Variants in WDFY2 observed in about 807,000 individuals in gnomAD.
WDFY2 encodes the protein WD repeat and FYVE domain containing 2, also known as WD repeat and FYVE domain-containing protein 2.
In WDFY2, 36 loss-of-function variants were observed where a neutral mutation model predicts 56.4. That is an observed-to-expected ratio of 0.64 (90% confidence interval 0.49 to 0.84). The LOEUF is 0.84. Ranked by LOEUF, WDFY2 falls within the 40% of genes least tolerant of loss-of-function variation. The probability of loss-of-function intolerance (pLI) is 0.00; values close to 1 mark genes in which losing one functional copy is unlikely to be tolerated. For missense variants in WDFY2, 444 were observed against 512.2 expected, an observed-to-expected ratio of 0.87 and a Z score of 1.29; for synonymous variants, 176 against 183.7, an observed-to-expected ratio of 0.96 and a Z score of 0.34.
intron 1 of WDFY2, among the ~76,000 whole-genome samples, chr13:51,617,226 A>C (rs182953322): frequency 6.6e-6 from 1 of 152,228 alleles, no homozygotes; most frequent in Non-Finnish European, 1.5e-5. Context: ...GATGTGTTTA[A>C]CAGCAGTAAC....
intron 1 of WDFY2, among the ~76,000 whole-genome samples, chr13:51,651,547 G>A (rs1420901268): frequency 1.3e-5 from 2 of 152,230 alleles, no homozygotes; most frequent in East Asian, 3.9e-4. Flanking sequence ...TCTCTTATGG[G>A]TATTTAGTGC....
At chr13:51,645,643 G>A (rs1468871488) in intron 1 of WDFY2, among the ~76,000 whole-genome samples, 1 of 152,048 alleles carries the variant, frequency 6.6e-6, no homozygotes, top group East Asian at 1.9e-4. Flanking sequence ...CTTATTTTCT[G>A]GACCAAAATT....
chr13:51,628,379 C>T lies in WDFY2; in HGVS notation c.138-32217C>T, dbSNP rs115241095. 9.2e-3 allele frequency among the ~76,000 whole-genome samples: 1,405 copies of T among 152,346 alleles called. 16 individuals are homozygous for T. The highest frequency in any genetic ancestry group is 0.032 in the African/African-American group (1,310 of 41,572). ...AACTTTGTTCTGAAATCAGAGCGGA[C>T]GCCAGGAGGTGGGAGAGGCCAGGGC... is the stretch of plus-strand genomic sequence containing the variant. On this transcript the variant is annotated intron_variant, in intron 1 of 11. Transcript: ENST00000298125.
chr13:51,734,096 G>A (rs573590353), intron 6 of WDFY2, among the ~76,000 whole-genome samples: 30 of 152,218 alleles, frequency 2.0e-4, no homozygotes, highest in African/African-American at 6.7e-4. Flanking sequence ...TTACCCTTGA[G>A]GGTGTGGTGT....
chr13:51,627,544 T>G lies in WDFY2; in HGVS notation c.138-33052T>G, dbSNP rs149176923. On this transcript the variant is annotated intron_variant, in intron 1 of 11. Coordinates refer to ENST00000298125, the MANE Select transcript of WDFY2 (RefSeq NM_052950.4). ...CCACCACACCTGGCTAATTTTTTTT[T>G]TTGTTGTTATTGTATTTTTAGTAGA... Among the ~76,000 whole-genome samples, 1,143 of 152,002 alleles carry G rather than the reference T, an allele frequency of 7.5e-3. 5 individuals carry two copies. The highest frequency in any genetic ancestry group is 0.021 in the African/African-American group (854 of 41,432).
chr13:51,604,091 C>T (rs915433171), intron 1 of WDFY2, among the ~76,000 whole-genome samples: 1 of 152,140 alleles, frequency 6.6e-6, no homozygotes, highest in East Asian at 1.9e-4. Flanking sequence ...GAAATATTTA[C>T]ATGTTTAAAG....
chr13:51,735,477 A>T (rs1490066655), intron 6 of WDFY2, among the ~76,000 whole-genome samples: 1 of 152,190 alleles, frequency 6.6e-6, no homozygotes, highest in Non-Finnish European at 1.5e-5. Flanking sequence ...AGAAAAAGTT[A>T]CTTGGGTGAT....
chr13:51,612,819 A>G (rs1447450930), intron 1 of WDFY2, among the ~76,000 whole-genome samples: 1 of 152,080 alleles, frequency 6.6e-6, no homozygotes, highest in South Asian at 2.1e-4. Context: ...TCCCCCTTAC[A>G]GGTAGAGGGT....
chr13:51,745,432 G>A (rs963573320), intron 7 of WDFY2, among the ~76,000 whole-genome samples: 8 of 152,132 alleles, frequency 5.3e-5, no homozygotes. Context: ...GTTAGCAGAC[G>A]CACAGCTGGC....
At position 51,626,022 on chromosome 13, in the gene WDFY2, G is replaced by C. The variant is rs1170344604; in HGVS notation, c.138-34574G>C. On this transcript the variant is annotated intron_variant, in intron 1 of 11. Transcript: ENST00000298125. ...CCGGAGCACCCTGGCAGCCAAGCATGGCCTGCTGGCTGGTACACCAGTGGC... is the reference window on the plus strand; with the variant it reads ...CCGGAGCACCCTGGCAGCCAAGCATCGCCTGCTGGCTGGTACACCAGTGGC... Among the ~76,000 whole-genome samples the C allele has an allele frequency of 2.6e-5, 4 of 152,198 alleles. No individual in the cohort carries two copies. In the East Asian group the frequency reaches 7.7e-4, roughly 29 times the overall value.
At position 51,728,967 on chromosome 13, in the gene WDFY2, T is replaced by C. The variant is rs184168436; in HGVS notation, c.598+1177T>C. Among the ~76,000 whole-genome samples the C allele has an allele frequency of 2.4e-3, 366 of 152,290 alleles. 1 individual carries two copies. The highest frequency in any genetic ancestry group is 7.1e-3 in the African/African-American group (296 of 41,564). Reference sequence around the variant, plus strand: ...CATCCTCCAATTCCCTACACCTTTCTTCATTCCACTTACTGTTTCCCCTTG... The same window carrying C: ...CATCCTCCAATTCCCTACACCTTTCCTCATTCCACTTACTGTTTCCCCTTG... On this transcript the variant is annotated intron_variant, in intron 6 of 11. Transcript: ENST00000298125.
Position 51,756,394 on chromosome 13 carries a change from C to G in WDFY2, c.996C>G (p.Ile332Met). ...AGTGCAGCTCCAAGCGCTCCTCCATCCCCCTGATGGGCTTCGAGTTTGAAG... is the reference window on the plus strand; with the variant it reads ...AGTGCAGCTCCAAGCGCTCCTCCATGCCCCTGATGGGCTTCGAGTTTGAAG... The part of the protein sequence containing the change: ...CGKCSSKRSS[I>M]PLMGFEFEVR... The change falls in exon 10 of 12, where the codon ATC becomes ATG. Residue 332 changes from isoleucine to methionine, a missense_variant. Physicochemically the swap from Ile to Met is conservative, Grantham distance 10. Transcript: ENST00000298125. 2 of 1,614,082 alleles carry G rather than the reference C, an allele frequency of 1.2e-6. No homozygotes were observed. Among genetic ancestry groups the G allele is most frequent in the Non-Finnish European group, 1.7e-6 (2 of 1,179,984 alleles).
chr13:51,670,489 G>GCACACACA lies in WDFY2; in HGVS notation c.206-4640_206-4633dup, dbSNP rs55984632. ...TACGTCTCACCTACTGTGCGCACAT[G>GCACACACA]CACACACACACACACACACACACAC... On this transcript the variant is annotated intron_variant, in intron 2 of 11. Coordinates refer to ENST00000298125, the MANE Select transcript of WDFY2 (RefSeq NM_052950.4). 3.9e-3 allele frequency among the ~76,000 whole-genome samples: 507 copies of GCACACACA among 131,494 alleles called. 3 individuals are homozygous for GCACACACA. The highest frequency in any genetic ancestry group is 8.1e-3 in the African/African-American group (280 of 34,674). 86.3% of individuals were successfully genotyped at this position (131,494 alleles called of 152,430 possible). A position where few individuals can be genotyped will look rare whatever the true frequency, so the allele number is the denominator to read the frequency against.
chr13:51,707,920 A>G (rs939336665), intron 4 of WDFY2, among the ~76,000 whole-genome samples: 1 of 137,868 alleles, frequency 7.3e-6, no homozygotes, highest in Non-Finnish European at 1.5e-5. Context: ...AAAGATATAT[A>G]CTATTAACCC....
At chr13:51,653,127 C>G (rs967763738) in intron 1 of WDFY2, among the ~76,000 whole-genome samples, 16 of 152,154 alleles carry the variant, frequency 1.1e-4, no homozygotes, top group South Asian at 2.1e-4. Context: ...TTTCTCTAAA[C>G]TGCTCTTCTT....
intron 3 of WDFY2, among the ~76,000 whole-genome samples, chr13:51,701,957 C>T (rs1050881703): frequency 1.3e-5 from 2 of 152,122 alleles, no homozygotes; most frequent in African/African-American, 4.8e-5. Flanking sequence ...TAGGCACCTC[C>T]CAGGTTTCCT....
At chr13:51,701,552 G>T (rs918363470) in intron 3 of WDFY2, among the ~76,000 whole-genome samples, 1 of 144,114 alleles carries the variant, frequency 6.9e-6, no homozygotes, top group Non-Finnish European at 1.5e-5. Flanking sequence ...AATAACAAAA[G>T]CTGACAAAAT....
At chr13:51,594,782 G>A (rs1325631415) in intron 1 of WDFY2, among the ~76,000 whole-genome samples, 1 of 152,186 alleles carries the variant, frequency 6.6e-6, no homozygotes, top group Non-Finnish European at 1.5e-5. Context: ...TTGTTGGGAG[G>A]TTTACATGAG....
chr13:51,741,520 G>A (rs574402866), intron 7 of WDFY2, among the ~76,000 whole-genome samples: 1 of 152,254 alleles, frequency 6.6e-6, no homozygotes, highest in East Asian at 1.9e-4. Context: ...TAGGGAGATG[G>A]CATGGAAAGA....
Sources: gnomAD v4.1 joint callset for allele counts (sites outside exome capture counted in the v4.1 genomes callset) on GRCh38, gnomAD v4.1.1 for gene constraint, MANE v1.5 for transcripts, NCBI Gene and HGNC (gene_info 2026-07-23, HGNC 2026-07-21) for gene names.